The following RRAGB variants were observed in gnomAD, a reference collection of about 807,000 sequenced individuals.
RRAGB encodes Ras related GTP binding B.
In RRAGB, 6 loss-of-function variants were observed where a neutral mutation model predicts 29.3. The observed-to-expected ratio is 0.21, with a 90% confidence interval of 0.11 to 0.40. The LOEUF (loss-of-function observed/expected upper bound fraction) is 0.40, where lower values mean the gene tolerates loss of function less well. Among genes scored for constraint, RRAGB ranks in the 10% least tolerant of loss-of-function variants. RRAGB has a pLI of 1.00. For missense variants in RRAGB, 184 were observed against 272.9 expected, an observed-to-expected ratio of 0.67 and a Z score of 2.29; for synonymous variants, 101 against 92.5, an observed-to-expected ratio of 1.09 and a Z score of -0.53.
chrX:55,725,753 G>A (rs746786700), intron 3 of RRAGB, among the ~76,000 whole-genome samples: 2 of 111,346 alleles, frequency 1.8e-5, no homozygotes, highest in African/African-American at 6.5e-5. Flanking sequence ...CACTGTTGAC[G>A]GCTCCAAGAT....
At chrX:55,755,087 G>A (rs1324185399) in intron 7 of RRAGB, 1 of 751,737 alleles carries the variant, frequency 1.3e-6, no homozygotes, top group East Asian at 1.5e-4. Context: ...AGATGTGACT[G>A]AACATTTTCA....
Position 55,753,393 on chromosome X carries a change from C to T in RRAGB, c.614C>T (p.Ala205Val). 2.5e-6 allele frequency: 3 copies of T among 1,189,459 alleles called. No individual in the cohort carries two copies. The change falls in exon 7 of 10, where the codon GCT (alanine) becomes GTT (valine). Residue 205 changes from alanine to valine, a missense_variant and splice_region_variant. Ala to Val is a moderately conservative substitution (Grantham distance 64). Transcript: ENST00000374941. ...TSIWDETLYK[A>V]WSSIVYQLIP... ...TACACTGTGTTTCTGTTCTGTTAGGCTTGGTCCAGCATAGTTTATCAGCTG... is the reference window on the plus strand; with the variant it reads ...TACACTGTGTTTCTGTTCTGTTAGGTTTGGTCCAGCATAGTTTATCAGCTG...
At chrX:55,741,042 T>G (rs1411594967) in intron 5 of RRAGB, among the ~76,000 whole-genome samples, 1 of 79,306 alleles carries the variant, frequency 1.3e-5, no homozygotes, top group Non-Finnish European at 3.0e-5. Flanking sequence ...TTTTTTTTTT[T>G]TGCTCAGCTC....
rs1369386903 is a variant in RRAGB, at chrX:55,717,814, C to T, written c.-514C>T. The T allele has an allele frequency of 2.6e-5, 3 of 113,251 alleles. No individual in the cohort carries two copies. The highest frequency in any genetic ancestry group is 9.6e-5 in the African/African-American group (3 of 31,179). The allele number at this position is 113,251 out of a possible 1,213,427, so 9.3% of individuals were successfully genotyped here. On this transcript the variant is annotated 5_prime_UTR_variant, in exon 1 of 10. Coordinates refer to ENST00000374941, the MANE Select transcript of RRAGB (RefSeq NM_006064.5). ...GTGAGATACCTGGGTTCCTGAAGGG[C>T]GGGTGGTTAGGTCGTAACTACTGCC...
chrX:55,737,579 G>A, intron 5 of RRAGB, among the ~76,000 whole-genome samples: 1 of 112,325 alleles, frequency 8.9e-6, no homozygotes, highest in Non-Finnish European at 1.9e-5. Flanking sequence ...CTCTGCTGAA[G>A]GAAACTTCCC....
chrX:55,719,066 T>A (rs2033164154), intron 1 of RRAGB, among the ~76,000 whole-genome samples: 1 of 111,835 alleles, frequency 8.9e-6, no homozygotes, highest in Non-Finnish European at 1.9e-5. Flanking sequence ...AATGGCTCAT[T>A]TGTATTCCTA....
At chrX:55,754,765 A>G (rs1038308554) in intron 7 of RRAGB, among the ~76,000 whole-genome samples, 6 of 111,884 alleles carry the variant, frequency 5.4e-5, no homozygotes, top group Non-Finnish European at 7.5e-5. Context: ...CCCCAGAGGT[A>G]TTTGGGAGCC....
chrX:55,752,465 T>C, intron 6 of RRAGB: 3 of 374,475 alleles, frequency 8.0e-6, no homozygotes, highest in Non-Finnish European at 1.0e-5. Flanking sequence ...CATGCCTAAG[T>C]AATAAAACTA....
At chrX:55,722,923 A>G (rs1252489255) in intron 3 of RRAGB, among the ~76,000 whole-genome samples, 1 of 111,509 alleles carries the variant, frequency 9.0e-6, no homozygotes, top group African/African-American at 3.3e-5. Context: ...TTCATTCTGC[A>G]GCATTCAAGC....
intron 5 of RRAGB, among the ~76,000 whole-genome samples, chrX:55,747,381 G>A (rs2034279260): frequency 8.9e-6 from 1 of 112,068 alleles, no homozygotes; most frequent in Admixed American, 9.4e-5. Flanking sequence ...CCACTTAAAG[G>A]ATGAGATTCT....
Position 55,718,063 on chromosome X carries a change from A to C in RRAGB, c.-265A>C. 3.9e-6 allele frequency: 1 copy of C among 255,098 alleles called. No individual in the cohort carries two copies. The allele number at this position is 255,098 out of a possible 1,213,427, so 21.0% of individuals were successfully genotyped here. On this transcript the variant is annotated 5_prime_UTR_variant, in exon 1 of 10. Coordinates refer to ENST00000374941, the MANE Select transcript of RRAGB (RefSeq NM_006064.5). ...CACCTCTCTTTTCCTGTCATTCTCC[A>C]ACTCTTACTTTGTACCACGGAATCA...
Position 55,750,307 on chromosome X carries a change from G to T in RRAGB, c.517-794G>T, listed in dbSNP as rs189224720. Among the ~76,000 whole-genome samples, 13 of 109,305 alleles carry T rather than the reference G, an allele frequency of 1.2e-4. No homozygotes were observed. The East Asian group carries it at 3.4e-3, about 29-fold the overall frequency. The allele number at this position is 109,305 out of a possible 115,157, so 94.9% of individuals were successfully genotyped here. On this transcript the variant is annotated intron_variant, in intron 5 of 9. Coordinates refer to ENST00000374941, the MANE Select transcript of RRAGB (RefSeq NM_006064.5). ...GTAGAGACTAGCAAGTCCAAAATTT[G>T]CAGGGCAGGCTGACAGACTGGAGAC... is the stretch of plus-strand genomic sequence containing the variant.
chrX:55,738,060 C>T (rs972206688), intron 5 of RRAGB, among the ~76,000 whole-genome samples: 2 of 112,741 alleles, frequency 1.8e-5, no homozygotes, highest in Non-Finnish European at 3.7e-5. Context: ...AGAGCACTCC[C>T]ACCTCCTCTG....
intron 4 of RRAGB, among the ~76,000 whole-genome samples, chrX:55,730,897 G>A (rs2033654435): frequency 9.0e-6 from 1 of 110,618 alleles, no homozygotes; most frequent in African/African-American, 3.3e-5. Flanking sequence ...GAGGCCATGG[G>A]TAGTTTCTGT....
chrX:55,722,173 A>C lies in RRAGB; in HGVS notation c.127-13A>C, dbSNP rs2033304951. On this transcript the variant is annotated splice_polypyrimidine_tract_variant and intron_variant, in intron 2 of 9. Coordinates refer to ENST00000374941, the MANE Select transcript of RRAGB (RefSeq NM_006064.5). The stretch of plus-strand genomic sequence containing the variant: ...TAACTTTTTTCCTTTCCTTTTCCCT[A>C]CTTTGTCCTTAGGTGCTGTTGATGG... 1 of 1,099,517 alleles carries C rather than the reference A, an allele frequency of 9.1e-7. No individual in the cohort carries two copies. Among genetic ancestry groups the C allele is most frequent in the African/African-American group, 1.8e-5 (1 of 55,164 alleles). 90.6% of individuals were successfully genotyped at this position (1,099,517 alleles called of 1,213,427 possible). A position where few individuals can be genotyped will look rare whatever the true frequency, so the allele number is the denominator to read the frequency against.
At chrX:55,756,897 A>G (rs762969042) in intron 8 of RRAGB, among the ~76,000 whole-genome samples, 106 of 111,643 alleles carry the variant, frequency 9.5e-4, no homozygotes, top group Non-Finnish European at 1.7e-3. Flanking sequence ...CAAGGCTGCA[A>G]TGAGCCATGA....
intron 5 of RRAGB, among the ~76,000 whole-genome samples, chrX:55,745,097 A>G (rs1348091267): frequency 1.8e-5 from 2 of 112,202 alleles, no homozygotes; most frequent in Non-Finnish European, 3.8e-5. Context: ...AGTTTTTGTC[A>G]GATTTCCCAT....
Position 55,718,196 on chromosome X carries a change from T to C in RRAGB, c.-132T>C. 2.4e-6 allele frequency: 1 copy of C among 413,946 alleles called. No individual in the cohort carries two copies. The highest frequency in any genetic ancestry group is 7.4e-5 in the South Asian group (1 of 13,435). 34.1% of individuals were successfully genotyped at this position (413,946 alleles called of 1,213,427 possible). On this transcript the variant is annotated 5_prime_UTR_variant, in exon 1 of 10. Transcript: ENST00000374941. ...CAGTGGACAAAGGCGGAGGCAAGAA[T>C]AGAGCAGGCCTGAGGGCCATAGGCG...
intron 5 of RRAGB, among the ~76,000 whole-genome samples, chrX:55,740,246 C>T (rs902659129): frequency 1.1e-4 from 12 of 110,807 alleles, no homozygotes; most frequent in Non-Finnish European, 2.1e-4. Flanking sequence ...TGGCGTGAAC[C>T]CAGGAGGCGG....
Sources: allele counts gnomAD v4.1 joint callset (sites outside exome capture counted in the v4.1 genomes callset), GRCh38; gene constraint gnomAD v4.1.1; transcripts MANE v1.5; gene names NCBI Gene and HGNC (gene_info 2026-07-23, HGNC 2026-07-21).